Variants in YJU2B observed in about 807,000 individuals in gnomAD.
The protein encoded by YJU2B is probable splicing factor YJU2B.
A neutral mutation model predicts 38.0 loss-of-function variants in YJU2B; 18 were observed. The ratio of observed to expected loss-of-function variants is 0.47; its 90% CI spans 0.33 to 0.70. The LOEUF is 0.70. Ranked by LOEUF, YJU2B falls within the 30% of genes least tolerant of loss-of-function variation. The pLI, the probability that YJU2B is intolerant of heterozygous loss-of-function variation, is 0.02. For synonymous variants in YJU2B, 246 were observed against 225.4 expected, an observed-to-expected ratio of 1.09 and a Z score of -0.82; for missense variants, 538 against 556.3, an observed-to-expected ratio of 0.97 and a Z score of 0.33.
chr19:13,744,852 G>T (rs939710184), upstream of YJU2B, among the ~76,000 whole-genome samples: 1 of 152,156 alleles, frequency 6.6e-6, no homozygotes. Flanking sequence ...AATTAGCCGG[G>T]TGTTGTGGCG....
intron 2 of YJU2B, among the ~76,000 whole-genome samples, chr19:13,741,053 A>G (rs1973079677): frequency 6.6e-6 from 1 of 152,128 alleles, no homozygotes; most frequent in Non-Finnish European, 1.5e-5. Flanking sequence ...ACCAGAGATA[A>G]GTAATATATT....
intron 1 of YJU2B, among the ~76,000 whole-genome samples, 200 bp downstream of exon 1, chr19:13,748,154 C>A (rs1202087939): frequency 6.6e-6 from 1 of 152,154 alleles, no homozygotes; most frequent in Non-Finnish European, 1.5e-5. Flanking sequence ...CCCAAGTGCC[C>A]GGGACCCGGT....
chr19:13,743,748 C>T (rs751835055), upstream of YJU2B, among the ~76,000 whole-genome samples: 4 of 149,894 alleles, frequency 2.7e-5, no homozygotes, highest in South Asian at 2.1e-4. Context: ...CAAAAATTAG[C>T]CGGATGCGGT....
In YJU2B at chr19:13,751,611, C is replaced by T. The variant is rs773082560; in HGVS notation, c.-198C>T. The T allele has an allele frequency of 3.0e-5, 18 of 596,148 alleles. No homozygotes were observed. Among genetic ancestry groups the T allele is most frequent in the Non-Finnish European group, 3.7e-5 (12 of 326,356 alleles). The allele number at this position is 596,148 out of a possible 1,614,324, so 36.9% of individuals were successfully genotyped here. On this transcript the variant is annotated 5_prime_UTR_variant, in exon 2 of 10. It adds an upstream start codon to the 5' untranslated region. Transcript: ENST00000221554. ...GGGACTCTCTCTTTCTAAACAGACACGCCGCTTTTTGGATGCCTCCTATGC... is the reference window on the plus strand; with the variant it reads ...GGGACTCTCTCTTTCTAAACAGACATGCCGCTTTTTGGATGCCTCCTATGC...
chr19:13,761,963 A>G (rs1377831151), intron 8 of YJU2B, among the ~76,000 whole-genome samples: 2 of 152,010 alleles, frequency 1.3e-5, no homozygotes, highest in Non-Finnish European at 2.9e-5. Flanking sequence ...GCCTCAAGGG[A>G]TCCACCCGCC....
chr19:13,763,003 A>T lies in YJU2B; in HGVS notation c.1126A>T (p.Thr376Ser), dbSNP rs1973973273. Residue 376 changes from threonine to serine, a missense_variant, in exon 10 of 10, where the codon ACG (threonine) becomes TCG (serine). Coordinates refer to ENST00000221554, the MANE Select transcript of YJU2B (RefSeq NM_030818.4). Reference protein sequence around the residue: ...SSQEAADTPDTRHPCSLGSSL... With the variant: ...SSQEAADTPDSRHPCSLGSSL... ...CCAGGAGGCAGCTGACACCCCCGAC[A>T]CGCGGCACCCCTGCAGTCTCGGCTC... The T allele has an allele frequency of 6.2e-7, 1 of 1,604,596 alleles. No individual in the cohort carries two copies. The highest frequency in any genetic ancestry group is 1.1e-5 in the South Asian group (1 of 90,310).
intron 2 of YJU2B, chr19:13,732,578 T>G (rs1972843015): frequency 7.8e-6 from 1 of 127,538 alleles, no homozygotes; most frequent in South Asian, 2.7e-4. Flanking sequence ...CCTTGTTTCC[T>G]TAAAAAAAAA....
chr19:13,757,924 G>C, intron 6 of YJU2B, 78 bp downstream of exon 6: 2 of 1,278,190 alleles, frequency 1.6e-6, no homozygotes, highest in Non-Finnish European at 2.3e-6. Flanking sequence ...CCTGAGTTGC[G>C]GGGGGAACCC....
upstream of YJU2B, among the ~76,000 whole-genome samples, chr19:13,746,329 TA>T (rs2145110970): frequency 1.3e-5 from 2 of 152,234 alleles, no homozygotes; most frequent in African/African-American, 4.8e-5. Context: ...CTAAGAGAAG[TA>T]TCCACCCACT....
upstream of YJU2B, among the ~76,000 whole-genome samples, chr19:13,747,600 A>G (rs572778273): frequency 6.6e-5 from 10 of 152,350 alleles, no homozygotes; most frequent in African/African-American, 2.4e-4. Flanking sequence ...CCTCCCAAGT[A>G]GCTGGGACTA....
intron 2 of YJU2B, among the ~76,000 whole-genome samples, chr19:13,753,275 A>G (rs1026011232): frequency 6.6e-6 from 1 of 152,186 alleles, no homozygotes; most frequent in Admixed American, 6.6e-5. Flanking sequence ...CACGCTGCTC[A>G]TAAAGACATA....
At chr19:13,756,376 C>G in intron 4 of YJU2B, 97 bp downstream of exon 4, 2 of 901,976 alleles carry the variant, frequency 2.2e-6, no homozygotes, top group Non-Finnish European at 3.6e-6. Flanking sequence ...GCTGCAGGGT[C>G]TTCATTCCAT....
At chr19:13,736,373 C>T (rs1168847773) in intron 2 of YJU2B, among the ~76,000 whole-genome samples, 3 of 150,066 alleles carry the variant, frequency 2.0e-5, no homozygotes, top group African/African-American at 7.4e-5. Context: ...ATTCTCCTGC[C>T]TCAACCTCCC....
intron 2 of YJU2B, among the ~76,000 whole-genome samples, chr19:13,737,325 C>T (rs1183303670): frequency 6.6e-6 from 1 of 152,086 alleles, no homozygotes; most frequent in African/African-American, 2.4e-5. Context: ...TGTGCCTGGC[C>T]ACTTCTTTGC....
intron 1 of YJU2B, among the ~76,000 whole-genome samples, chr19:13,750,988 G>C (rs1455639503): frequency 1.3e-5 from 2 of 152,156 alleles, no homozygotes; most frequent in African/African-American, 2.4e-5. Context: ...GAGTGAACGA[G>C]AGATAGAGGG....
At position 13,762,481 on chromosome 19, in the gene YJU2B, G is replaced by A. The variant is rs777944224; in HGVS notation, c.712+44G>A. The stretch of plus-strand genomic sequence containing the variant: ...GGAAAAGGGGACAGGGAGGCTCAGA[G>A]TTGCCTGGAGATGGGGGGTCCTCAG... On this transcript the variant is annotated intron_variant, in intron 9 of 9. Coordinates refer to ENST00000221554, the MANE Select transcript of YJU2B (RefSeq NM_030818.4). 9 of 1,599,122 alleles carry A rather than the reference G, an allele frequency of 5.6e-6. No homozygotes were observed. In the East Asian group the frequency reaches 1.3e-4, roughly 24 times the overall value.
chr19:13,747,651 C>G (rs887628147), upstream of YJU2B: 1 of 152,492 alleles, frequency 6.6e-6, no homozygotes, highest in Non-Finnish European at 1.5e-5. Context: ...GGCTGCAGCG[C>G]GCAGGACAGC....
intron 5 of YJU2B, 47 bp from the exon 6 acceptor site, chr19:13,757,739 A>G: frequency 6.3e-7 from 1 of 1,582,642 alleles, no homozygotes; most frequent in South Asian, 1.1e-5. Context: ...CCATCTGCAA[A>G]ATTCAGATGG....
chr19:13,753,402 T>A (rs761882728), intron 2 of YJU2B, among the ~76,000 whole-genome samples: 3 of 152,114 alleles, frequency 2.0e-5, no homozygotes, highest in Middle Eastern at 3.4e-3. Context: ...TGAAACTTTG[T>A]CTGTACTAAA....
Sources: allele counts gnomAD v4.1 joint callset (sites outside exome capture counted in the v4.1 genomes callset), GRCh38; gene constraint gnomAD v4.1.1; transcripts MANE v1.5; gene names NCBI Gene and HGNC (gene_info 2026-07-23, HGNC 2026-07-21).